MYH11: variants seen among roughly 807,000 people sequenced by gnomAD.
MYH11 encodes myosin-11.
In MYH11, 80 loss-of-function variants were observed where a neutral mutation model predicts 246.6. The ratio of observed to expected loss-of-function variants is 0.32; its 90% confidence interval spans 0.27 to 0.39. MYH11 has a LOEUF of 0.39. MYH11 is among the 10% of genes least tolerant of loss of function. The pLI, the probability that MYH11 is intolerant of heterozygous loss-of-function variation, is 1.00. For missense variants in MYH11, 2,158 were observed against 2,546.8 expected, an observed-to-expected ratio of 0.85 and a Z score of 3.29; for synonymous variants, 1,071 against 1,015.5, an observed-to-expected ratio of 1.05 and a Z score of -1.04.
At chr16:15,708,946 A>C (rs2039623032) in intron 40 of MYH11, 2 of 1,195,832 alleles carry the variant, frequency 1.7e-6, no homozygotes, top group Non-Finnish European at 2.4e-6. Context: ...TTTAATAATT[A>C]AAGGCACTCT....
intron 2 of MYH11, among the ~76,000 whole-genome samples, chr16:15,829,425 G>C (rs1163074642): frequency 6.6e-6 from 1 of 152,174 alleles, no homozygotes; most frequent in Non-Finnish European, 1.5e-5. Context: ...GTGAAGGTAA[G>C]ACTGGTGCAG....
intron 4 of MYH11, chr16:15,791,301 G>A (rs72772070): frequency 0.11 from 17,080 of 152,204 alleles, 1,158 homozygotes; most frequent in Middle Eastern, 0.16. Flanking sequence ...AGCTGGTCCT[G>A]GCTCCCAGGG....
intron 4 of MYH11, among the ~76,000 whole-genome samples, chr16:15,796,073 C>A (rs2042736346): frequency 6.6e-6 from 1 of 152,068 alleles, no homozygotes; most frequent in Non-Finnish European, 1.5e-5. Context: ...TACAGAGGCC[C>A]TGGTGAGAGG....
At chr16:15,782,151 G>A (rs972627605) in intron 6 of MYH11, among the ~76,000 whole-genome samples, 10 of 152,264 alleles carry the variant, frequency 6.6e-5, no homozygotes, top group Non-Finnish European at 8.8e-5. Context: ...AAAGTGCTGG[G>A]ATTACAGGTG....
chr16:15,766,498 A>C (rs1232761357), intron 9 of MYH11, among the ~76,000 whole-genome samples: 5 of 151,884 alleles, frequency 3.3e-5, no homozygotes, highest in Admixed American at 1.3e-4. Context: ...CAGCCTCCAG[A>C]GTAGCTGGGA....
chr16:15,708,903 T>A lies in MYH11; in HGVS notation c.5787-4780A>T, dbSNP rs2039620743. ...GCAAACAAGAAGGAGCCCGGTTAAGTATATTCTTAATTGTTAAAGACATTT... is the reference window on the plus strand; with the variant it reads ...GCAAACAAGAAGGAGCCCGGTTAAGAATATTCTTAATTGTTAAAGACATTT... On this transcript the variant is annotated intron_variant, in intron 40 of 40. Transcript: ENST00000300036. 9 of 1,474,712 alleles carry A rather than the reference T, an allele frequency of 6.1e-6. No homozygotes were observed. The Admixed American group carries it at 1.7e-4, about 27-fold the overall frequency. The allele number at this position is 1,474,712 out of a possible 1,614,324, so 91.4% of individuals were successfully genotyped here. A position where few individuals can be genotyped will look rare whatever the true frequency, so the allele number is the denominator to read the frequency against.
At chr16:15,839,413 C>G (rs2151382842) in intron 1 of MYH11, among the ~76,000 whole-genome samples, 1 of 152,196 alleles carries the variant, frequency 6.6e-6, no homozygotes, top group Non-Finnish European at 1.5e-5. Context: ...GTAATGGCGG[C>G]CGGGCGCGGT....
At position 15,717,401 on chromosome 16, in the gene MYH11, G is replaced by A. The variant is rs916757073; in HGVS notation, c.5296-53C>T. 31 of 1,578,012 alleles carry A rather than the reference G, an allele frequency of 2.0e-5. 1 individual carries two copies. Among genetic ancestry groups the A allele is most frequent in the South Asian group, 6.6e-5 (6 of 90,494 alleles). Reference sequence around the variant, plus strand: ...CGGACTCAGGGAAGCCCAAGAGAGCGCACTGAGACCATGCCTCTTCCTGCC... The same window carrying A: ...CGGACTCAGGGAAGCCCAAGAGAGCACACTGAGACCATGCCTCTTCCTGCC... On this transcript the variant is annotated intron_variant, in intron 37 of 40. Coordinates refer to ENST00000300036, the MANE Select transcript of MYH11 (RefSeq NM_002474.3).
intron 3 of MYH11, among the ~76,000 whole-genome samples, chr16:15,822,546 A>G (rs1254144565): frequency 6.6e-6 from 1 of 152,032 alleles, no homozygotes; most frequent in Non-Finnish European, 1.5e-5. Context: ...AACAAAACAA[A>G]AAAACCCACC....
At chr16:15,726,527 C>T (rs540080698) in intron 28 of MYH11, 79 of 428,324 alleles carry the variant, frequency 1.8e-4, no homozygotes, top group African/African-American at 1.3e-3. Flanking sequence ...CCCACGACCA[C>T]GCCTGGCTAA....
chr16:15,740,129 C>T lies in MYH11; in HGVS notation c.2919G>A (p.Lys973=), dbSNP rs2041231978. The T allele has an allele frequency of 3.1e-6, 5 of 1,614,096 alleles. No homozygotes were observed. The highest frequency in any genetic ancestry group is 3.4e-6 in the Non-Finnish European group (4 of 1,180,042). The change falls in exon 23 of 41, where the codon AAG becomes AAA. Residue 973 remains lysine (K), a synonymous_variant. Transcript: ENST00000300036. ...EAARQKLQLE[K]VTAEAKIKKL... The stretch of plus-strand genomic sequence containing the variant: ...TCTTGATCTTGGCCTCAGCCGTGAC[C>T]TTCTCAAGTTGCAGCTTCTGCCTGG...
intron 4 of MYH11, among the ~76,000 whole-genome samples, chr16:15,797,606 T>G (rs1262362560): frequency 6.7e-6 from 1 of 149,050 alleles, no homozygotes; most frequent in Non-Finnish European, 1.5e-5. Context: ...AATATATATA[T>G]GCACAGTCTA....
intron 7 of MYH11, among the ~76,000 whole-genome samples, chr16:15,778,176 C>T (rs781726892): frequency 2.6e-5 from 4 of 152,180 alleles, no homozygotes; most frequent in African/African-American, 4.8e-5. Context: ...TCCACTTCAC[C>T]GCTCAGGTTC....
chr16:15,734,931 G>C (rs1326919096), intron 26 of MYH11, among the ~76,000 whole-genome samples: 1 of 152,056 alleles, frequency 6.6e-6, no homozygotes, highest in Non-Finnish European at 1.5e-5. Flanking sequence ...TGTAATACCA[G>C]CAGTTTGGGA....
chr16:15,716,303 A>G (rs547699495), intron 38 of MYH11, among the ~76,000 whole-genome samples: 1 of 152,240 alleles, frequency 6.6e-6, no homozygotes, highest in Non-Finnish European at 1.5e-5. Flanking sequence ...ATGTTTGTGA[A>G]TATATGAATA....
intron 35 of MYH11, 74 bp downstream of exon 35, chr16:15,719,511 C>T (rs936510652): frequency 6.8e-6 from 11 of 1,606,692 alleles, no homozygotes; most frequent in Non-Finnish European, 9.3e-6. Flanking sequence ...TCTGGGAATG[C>T]ACAGACTGGA....
At chr16:15,755,089 A>G (rs1289001773) in intron 14 of MYH11, among the ~76,000 whole-genome samples, 1 of 152,200 alleles carries the variant, frequency 6.6e-6, no homozygotes, top group East Asian at 1.9e-4. Context: ...ATAAAACTTT[A>G]TTTACAATAA....
rs1214043909 is a variant in MYH11 at position 15,750,726 on chromosome 16, A to G, written c.1865-395T>C. Among the ~76,000 whole-genome samples the G allele has an allele frequency of 6.6e-6, 1 of 151,938 alleles. No individual in the cohort carries two copies. The highest frequency in any genetic ancestry group is 1.5e-5 in the Non-Finnish European group (1 of 67,986). Reference sequence around the variant, plus strand: ...AGGCACTTATTCCCTGCCAGCCTCCAATCTTTCATCCACCAACAAATAGTT... The same window carrying G: ...AGGCACTTATTCCCTGCCAGCCTCCGATCTTTCATCCACCAACAAATAGTT... On this transcript the variant is annotated intron_variant, in intron 15 of 40. Transcript: ENST00000300036. The surrounding 1 kb of genome is among the most constrained non-coding windows in gnomAD (Gnocchi z 4.3).
intron 1 of MYH11, among the ~76,000 whole-genome samples, chr16:15,851,537 G>A (rs984305872): frequency 6.6e-6 from 1 of 152,010 alleles, no homozygotes; most frequent in African/African-American, 2.4e-5. Context: ...AAGAGTAAAT[G>A]GACACCCGAT....
Sources: gnomAD v4.1 joint callset for allele counts (sites outside exome capture counted in the v4.1 genomes callset) on GRCh38, gnomAD v4.1.1 for gene constraint, Gnocchi (gnomAD v3.1) non-coding constraint, MANE v1.5 for transcripts, NCBI Gene and HGNC (gene_info 2026-07-23, HGNC 2026-07-21) for gene names.